The following PTP4A1 variants were observed in gnomAD, a reference collection of about 807,000 sequenced individuals.
PTP4A1 encodes protein tyrosine phosphatase type IVA 1.
In PTP4A1, 9 loss-of-function variants were observed where a neutral mutation model predicts 20.5. The ratio of observed to expected loss-of-function variants is 0.44; its 90% CI spans 0.26 to 0.77. The LOEUF is 0.77. PTP4A1 is among the 30% of genes least tolerant of loss of function. The pLI is 0.19. For missense variants in PTP4A1, 137 were observed against 218.8 expected, an observed-to-expected ratio of 0.63 and a Z score of 2.36; for synonymous variants, 78 against 67.4, an observed-to-expected ratio of 1.16 and a Z score of -0.77.
chr6:63,535,847 CAG>C (rs1347237178), intron 2 of PTP4A1, among the ~76,000 whole-genome samples: 1 of 152,162 alleles, frequency 6.6e-6, no homozygotes, highest in Non-Finnish European at 1.5e-5. Flanking sequence ...TTTTTTGAGA[CAG>C]AGTCTCGCTC....
chr6:63,545,861 A>G (rs1471939673), intron 2 of PTP4A1, among the ~76,000 whole-genome samples: 2 of 152,190 alleles, frequency 1.3e-5, no homozygotes, highest in African/African-American at 4.8e-5. Flanking sequence ...TTCTAAGAAG[A>G]AAGAAAAAAA....
intron 2 of PTP4A1, among the ~76,000 whole-genome samples, chr6:63,548,451 C>T (rs1416362046): frequency 2.0e-5 from 3 of 152,162 alleles, no homozygotes; most frequent in Non-Finnish European, 4.4e-5. Flanking sequence ...TGTCCTTATG[C>T]CACATTCCTA....
rs1173923493 is a variant in PTP4A1, at chr6:63,580,864, CAAAA to C, written c.*693_*696del. 1 of 152,136 alleles carries C rather than the reference CAAAA, an allele frequency of 6.6e-6. No individual in the cohort carries two copies. The highest frequency in any genetic ancestry group is 2.4e-5 in the African/African-American group (1 of 41,298). 9.4% of individuals were successfully genotyped at this position (152,136 alleles called of 1,614,324 possible). ...AGCACATGTCTTTAATGTCTTCAGA[CAAAA>C]AAGCCTTACATTAATTTAATGTTTG... On this transcript the variant is annotated 3_prime_UTR_variant, in exon 6 of 6. Coordinates refer to ENST00000626021, the MANE Select transcript of PTP4A1 (RefSeq NM_003463.5).
chr6:63,579,453 C>A, intron 5 of PTP4A1, 122 bp downstream of exon 5: 2 of 648,056 alleles, frequency 3.1e-6, no homozygotes, highest in Non-Finnish European at 4.8e-6. Flanking sequence ...GTATTAAAAC[C>A]AGGAAATCAA....
chr6:63,547,811 CA>C (rs1381607671), intron 2 of PTP4A1, among the ~76,000 whole-genome samples: 4 of 152,140 alleles, frequency 2.6e-5, no homozygotes, highest in African/African-American at 7.2e-5. Context: ...GCGCCCGGCC[CA>C]GGGGGGGATT....
At chr6:63,525,380 G>A (rs898321398) in intron 1 of PTP4A1, among the ~76,000 whole-genome samples, 17 of 152,164 alleles carry the variant, frequency 1.1e-4, no homozygotes, top group African/African-American at 3.9e-4. Context: ...GAGAACAGAC[G>A]GGAGGAAGGA....
rs528349555 is a variant in PTP4A1 at position 63,549,149 on chromosome 6, C to T, written c.-639-1151C>T. ...GGATGCCCCCTTTGCCAGCAGCTTT[C>T]TTTTTGGCCAGGGCCAACAGCCTCT... is the stretch of plus-strand genomic sequence containing the variant. On this transcript the variant is annotated intron_variant, in intron 2 of 3. Coordinates refer to the PTP4A1 transcript ENST00000639568. 5.7e-3 allele frequency: 3,880 copies of T among 685,830 alleles called. 26 individuals are homozygous for T. Among genetic ancestry groups the T allele is most frequent in the Middle Eastern group, 0.011 (28 of 2,550 alleles). The allele number at this position is 685,830 out of a possible 1,614,324, so 42.5% of individuals were successfully genotyped here. A position where few individuals can be genotyped will look rare whatever the true frequency, so the allele number is the denominator to read the frequency against.
chr6:63,521,269 A>G (rs1774916491), upstream of PTP4A1, among the ~76,000 whole-genome samples: 1 of 152,234 alleles, frequency 6.6e-6, no homozygotes, highest in Non-Finnish European at 1.5e-5. Context: ...AAAGAAAAAA[A>G]CGGCAAATAA....
At position 63,579,319 on chromosome 6, in the gene PTP4A1, A is replaced by G; in HGVS notation, c.392A>G (p.Gln131Arg). The change falls in exon 5 of 6, where the codon CAA (glutamine) becomes CGA (arginine). Residue 131 changes from glutamine to arginine, a missense_variant. Gln to Arg is a conservative substitution (Grantham distance 43, BLOSUM62 1). Coordinates refer to ENST00000626021, the MANE Select transcript of PTP4A1 (RefSeq NM_003463.5). ...EGGMKYEDAV[Q>R]FIRQKRRGAF... is the part of the protein sequence containing the mutation. ...GGAATGAAATACGAAGATGCAGTAC[A>G]ATTCATAAGACAGTAAGTAATGGAT... 6.2e-7 allele frequency: 1 copy of G among 1,601,986 alleles called. No homozygotes were observed. Among genetic ancestry groups the G allele is most frequent in the Non-Finnish European group, 8.5e-7 (1 of 1,172,278 alleles).
intron 2 of PTP4A1, among the ~76,000 whole-genome samples, chr6:63,533,810 A>G (rs945650428): frequency 6.6e-5 from 10 of 151,042 alleles, no homozygotes; most frequent in African/African-American, 9.8e-5. Flanking sequence ...AACAAAATAT[A>G]GCAAATTCCT....
At chr6:63,547,376 G>C (rs778036330) in intron 2 of PTP4A1, among the ~76,000 whole-genome samples, 8 of 150,684 alleles carry the variant, frequency 5.3e-5, no homozygotes, top group Admixed American at 2.7e-4. Flanking sequence ...TTTTAGTAGA[G>C]ATAGGATTTC....
Position 63,579,306 on chromosome 6 carries a change from G to A in PTP4A1, c.379G>A (p.Glu127Lys). ...ATTAATTGAAGGTGGAATGAAATAC[G>A]AAGATGCAGTACAATTCATAAGACA... ...LALIEGGMKY[E>K]DAVQFIRQKR... Residue 127 changes from glutamate to lysine, a missense_variant, in exon 5 of 6, where the codon GAA (glutamate) becomes AAA (lysine). Coordinates refer to ENST00000626021, the MANE Select transcript of PTP4A1 (RefSeq NM_003463.5). The A allele has an allele frequency of 6.2e-7, 1 of 1,609,772 alleles. No individual in the cohort carries two copies.
intron 2 of PTP4A1, chr6:63,549,216 A>G (rs1776330342): frequency 1.4e-6 from 1 of 717,804 alleles, no homozygotes; most frequent in Non-Finnish European, 2.5e-6. Flanking sequence ...CTTGTGGGCC[A>G]GCTGAAGTAG....
At chr6:63,567,579 A>T (rs1777244505), upstream of PTP4A1, among the ~76,000 whole-genome samples, 1 of 152,246 alleles carries the variant, frequency 6.6e-6, no homozygotes, top group African/African-American at 2.4e-5. Context: ...TATAGAGCAC[A>T]GCAGAGTAGA....
chr6:63,528,854 C>T (rs1055334295), intron 2 of PTP4A1, among the ~76,000 whole-genome samples: 1 of 151,874 alleles, frequency 6.6e-6, no homozygotes, highest in African/African-American at 2.4e-5. Context: ...TTTGGGAGGC[C>T]GAGGCCGGTG....
intron 3 of PTP4A1, among the ~76,000 whole-genome samples, chr6:63,559,661 C>T (rs1289599698): frequency 6.6e-6 from 1 of 152,070 alleles, no homozygotes; most frequent in African/African-American, 2.4e-5. Flanking sequence ...AGGAGAATCA[C>T]TGGAACCCAG....
rs760818957 is a variant in PTP4A1, at chr6:63,576,862, G to GT, written c.-13dup. ...TAATTATTTCATAACCCTATTGAGTGTTTTTTAACTAAATTAACATGGCTC... is the reference window on the plus strand; with the variant it reads ...TAATTATTTCATAACCCTATTGAGTGTTTTTTTAACTAAATTAACATGGCTC... On this transcript the variant is annotated 5_prime_UTR_variant, in exon 2 of 6. Transcript: ENST00000626021. The GT allele has an allele frequency of 1.3e-6, 2 of 1,594,998 alleles. No individual in the cohort carries two copies. The highest frequency in any genetic ancestry group is 1.1e-5 in the South Asian group (1 of 89,100).
intron 3 of PTP4A1, among the ~76,000 whole-genome samples, chr6:63,556,261 G>C (rs1562123083): frequency 2.0e-5 from 3 of 151,014 alleles, no homozygotes; most frequent in Non-Finnish European, 4.4e-5. Context: ...GAGGCTCCAG[G>C]GTGCCTCCTG....
At chr6:63,573,385 C>T (rs1255572591) in intron 1 of PTP4A1, 1 of 152,448 alleles carries the variant, frequency 6.6e-6, no homozygotes, top group East Asian at 1.9e-4. Flanking sequence ...GCGGGACAGC[C>T]ACTGGGTGCA....
Sources: gnomAD v4.1 joint callset for allele counts (sites outside exome capture counted in the v4.1 genomes callset) on GRCh38, gnomAD v4.1.1 for gene constraint, MANE v1.5 for transcripts, NCBI Gene and HGNC (gene_info 2026-07-23, HGNC 2026-07-21) for gene names.